Variants in PCDHA10 observed in about 807,000 individuals in gnomAD.
PCDHA10 encodes protocadherin alpha-10.
PCDHA10 carries 45 observed loss-of-function variants against 61.2 expected under a neutral mutation model. That is an observed-to-expected ratio of 0.74 (90% CI 0.58 to 0.94). The LOEUF is 0.94. PCDHA10 is among the 40% of genes least tolerant of loss of function. PCDHA10 has a pLI of 0.00. For missense variants in PCDHA10, 1,278 were observed against 1,236.2 expected (o/e 1.03, Z -0.51); for synonymous variants, 602 against 548.8 (o/e 1.10, Z -1.35).
At chr5:140,918,759 G>A (rs931610210) in intron 1 of PCDHA10, among the ~76,000 whole-genome samples, 7 of 152,130 alleles carry the variant, frequency 4.6e-5, no homozygotes, top group Non-Finnish European at 1.0e-4. Context: ...CCAGAGAGGT[G>A]CCTTGCCTCT....
intron 1 of PCDHA10, among the ~76,000 whole-genome samples, chr5:140,874,944 G>A (rs2055185348): frequency 6.6e-6 from 1 of 152,170 alleles, no homozygotes; most frequent in Non-Finnish European, 1.5e-5. Context: ...TGAAACAGCG[G>A]AATTGTAAGC....
chr5:140,874,280 C>T (rs1317233709), intron 1 of PCDHA10, among the ~76,000 whole-genome samples: 3 of 152,146 alleles, frequency 2.0e-5, no homozygotes, highest in Admixed American at 6.5e-5. Flanking sequence ...AATAGACTTA[C>T]AAAATCTATG....
chr5:140,984,641 C>T (rs2153834832), intron 3 of PCDHA10, among the ~76,000 whole-genome samples: 1 of 152,276 alleles, frequency 6.6e-6, no homozygotes, highest in South Asian at 2.1e-4. Context: ...TCTCTGCCTT[C>T]TCCCTGTCCT....
Position 140,856,440 on chromosome 5 carries a change from G to C in PCDHA10, c.392G>C (p.Arg131Thr). ...EVKDINDNPP[R>T]FSVTEQKLSI... The stretch of plus-strand genomic sequence containing the variant: ...AAGGACATTAACGACAACCCGCCCA[G>C]GTTCTCCGTAACAGAACAAAAGCTC... The change falls in exon 1 of 4, where the codon AGG (arginine) becomes ACG (threonine). Residue 131 changes from arginine to threonine, a missense_variant. Arg to Thr is a moderately conservative substitution (Grantham distance 71). Transcript: ENST00000307360. 1.3e-6 allele frequency: 2 copies of C among 1,598,404 alleles called. No homozygotes were observed. Among genetic ancestry groups the C allele is most frequent in the East Asian group, 2.2e-5 (1 of 44,862 alleles).
At chr5:140,906,502 CAAAG>C (rs1295778527) in intron 1 of PCDHA10, among the ~76,000 whole-genome samples, 1 of 152,180 alleles carries the variant, frequency 6.6e-6, no homozygotes, top group African/African-American at 2.4e-5. Context: ...ATGTTTTTAA[CAAAG>C]AAGGAGGAAA....
At chr5:140,886,860 C>T (rs1363871264) in intron 1 of PCDHA10, among the ~76,000 whole-genome samples, 1 of 151,304 alleles carries the variant, frequency 6.6e-6, no homozygotes, top group East Asian at 1.9e-4. Flanking sequence ...AAGGTCTTCC[C>T]AACTCCTATA....
intron 1 of PCDHA10, among the ~76,000 whole-genome samples, chr5:140,945,058 C>A (rs939271004): frequency 1.3e-5 from 2 of 151,996 alleles, no homozygotes; most frequent in Non-Finnish European, 2.9e-5. Flanking sequence ...AAAGAAAACC[C>A]TACAGACTCC....
intron 1 of PCDHA10, chr5:140,968,919 T>C (rs2096279642): frequency 1.2e-6 from 2 of 1,614,116 alleles, no homozygotes; most frequent in South Asian, 1.1e-5. Flanking sequence ...GTGTCTTTTA[T>C]ATTTCTTTTG....
intron 2 of PCDHA10, among the ~76,000 whole-genome samples, chr5:140,981,204 A>G (rs782466772): frequency 2.6e-5 from 4 of 152,218 alleles, no homozygotes; most frequent in Non-Finnish European, 5.9e-5. Context: ...CTGTTGCCTC[A>G]TATAACCCCT....
intron 1 of PCDHA10, among the ~76,000 whole-genome samples, chr5:140,941,768 T>C (rs576405772): frequency 2.6e-5 from 4 of 152,254 alleles, no homozygotes; most frequent in Non-Finnish European, 5.9e-5. Context: ...TTTAAGATAA[T>C]TGTTTTAATG....
intron 1 of PCDHA10, among the ~76,000 whole-genome samples, chr5:140,941,777 T>C (rs903102270): frequency 6.6e-6 from 1 of 152,262 alleles, no homozygotes; most frequent in Admixed American, 6.5e-5. Context: ...ATTGTTTTAA[T>C]GTTTTACCCA....
intron 1 of PCDHA10, chr5:140,883,019 G>A (rs1554176509): frequency 1.2e-6 from 2 of 1,613,986 alleles, no homozygotes; most frequent in South Asian, 1.1e-5. Flanking sequence ...TAAAGTGACG[G>A]TGTTAGAGAA....
chr5:140,985,955 G>A (rs1284756138), intron 3 of PCDHA10, among the ~76,000 whole-genome samples: 1 of 151,674 alleles, frequency 6.6e-6, no homozygotes, highest in Non-Finnish European at 1.5e-5. Flanking sequence ...TAGCCAGGAT[G>A]GTCTCAATCT....
intron 1 of PCDHA10, chr5:140,926,717 C>G (rs975992181): frequency 3.1e-6 from 3 of 967,258 alleles, no homozygotes; most frequent in East Asian, 6.0e-5. Context: ...CCAGCCCCGG[C>G]AATGCCGGCG....
At chr5:140,970,758 A>T (rs1217450283) in intron 1 of PCDHA10, among the ~76,000 whole-genome samples, 2 of 152,232 alleles carry the variant, frequency 1.3e-5, no homozygotes, top group East Asian at 3.8e-4. Flanking sequence ...ATTTTCATTG[A>T]CATATTGCTG....
rs370640529 is a variant in PCDHA10, at chr5:140,968,552, C to G, written c.2389-10397C>G. 5 of 1,614,184 alleles carry G rather than the reference C, an allele frequency of 3.1e-6. No homozygotes were observed. The East Asian group carries it at 1.1e-4, about 36-fold the overall frequency. ...GTCAGCAGCCTTCGAGATGGTGCCT[C>G]GAACTGCCCCTGCTGGCTACCTGGT... On this transcript the variant is annotated intron_variant, in intron 1 of 3. Coordinates refer to ENST00000307360, the MANE Select transcript of PCDHA10 (RefSeq NM_018901.4).
At chr5:140,947,095 A>T (rs2094086285) in intron 1 of PCDHA10, among the ~76,000 whole-genome samples, 1 of 151,642 alleles carries the variant, frequency 6.6e-6, no homozygotes, top group Non-Finnish European at 1.5e-5. Flanking sequence ...ACTGTAGCCC[A>T]TAAATAGGTA....
At chr5:140,871,709 C>A in intron 1 of PCDHA10, 6 of 829,698 alleles carry the variant, frequency 7.2e-6, no homozygotes, top group Non-Finnish European at 1.1e-5. Flanking sequence ...CAATAAATGT[C>A]CTATTTCTCT....
chr5:140,927,099 T>C (rs782352775), intron 1 of PCDHA10: 1 of 1,613,434 alleles, frequency 6.2e-7, no homozygotes, highest in Non-Finnish European at 8.5e-7. Context: ...TCGGGGTGGA[T>C]CTACCCAGCG....
Sources: gnomAD v4.1 joint callset for allele counts (sites outside exome capture counted in the v4.1 genomes callset) on GRCh38, gnomAD v4.1.1 for gene constraint, MANE v1.5 for transcripts, NCBI Gene and HGNC (gene_info 2026-07-23, HGNC 2026-07-21) for gene names.